Variants in GRIA1 observed in about 807,000 individuals in gnomAD.
GRIA1 encodes the protein glutamate ionotropic receptor AMPA type subunit 1, also known as glutamate receptor 1.
Under a neutral mutation model 99.2 loss-of-function variants are expected in GRIA1, and 31 were observed. The observed-to-expected ratio is 0.31, with a 90% CI of 0.23 to 0.42. The LOEUF (loss-of-function observed/expected upper bound fraction) is 0.42, where lower values mean the gene tolerates loss of function less well. GRIA1 is among the 10% of genes least tolerant of loss of function. The pLI, the probability that GRIA1 is intolerant of heterozygous loss-of-function variation, is 1.00. For synonymous variants in GRIA1, 438 were observed against 432.4 expected (o/e 1.01, Z -0.16); for missense variants, 782 against 1,157.5 (o/e 0.68, Z 4.71).
intron 2 of GRIA1, among the ~76,000 whole-genome samples, chr5:153,578,178 GAAAGAAGA>G (rs1762740578): frequency 1.6e-5 from 2 of 125,524 alleles, no homozygotes; most frequent in Non-Finnish European, 3.4e-5. Flanking sequence ...AAAAAAGAAA[GAAAGAAGA>G]AAGAAAGAAA....
At chr5:153,748,648 C>T (rs1302931546) in intron 11 of GRIA1, among the ~76,000 whole-genome samples, 3 of 152,180 alleles carry the variant, frequency 2.0e-5, no homozygotes, top group East Asian at 1.9e-4. Context: ...ATCTGGAATG[C>T]TGCCTATGAA....
intron 2 of GRIA1, among the ~76,000 whole-genome samples, chr5:153,600,011 A>G (rs1047877789): frequency 5.9e-5 from 9 of 152,126 alleles, no homozygotes; most frequent in South Asian, 2.1e-4. Context: ...TAAGGTGGAC[A>G]CGGAGGCACT....
At chr5:153,700,974 G>GC (rs938562799) in intron 10 of GRIA1, among the ~76,000 whole-genome samples, 1 of 152,140 alleles carries the variant, frequency 6.6e-6, no homozygotes, top group African/African-American at 2.4e-5. Flanking sequence ...ACTTTGGGAA[G>GC]CTCCATGGAC....
Position 153,705,958 on chromosome 5 carries a change from G to A in GRIA1, c.1714G>A (p.Glu572Lys), listed in dbSNP as rs773836254. 1 of 1,613,992 alleles carries A rather than the reference G, an allele frequency of 6.2e-7. No homozygotes were observed. Among genetic ancestry groups the A allele is most frequent in the Non-Finnish European group, 8.5e-7 (1 of 1,179,982 alleles). Residue 572 changes from glutamate (E) to lysine (K), a missense_variant, in exon 11 of 16, where the codon GAA becomes AAA. Physicochemically the swap from Glu to Lys is moderately conservative, Grantham distance 56 (BLOSUM62 1). Around this residue, in one of 5 missense-constraint regions of GRIA1, gnomAD observed 39 missense variants for 43.5 expected, o/e 0.90. Transcript: ENST00000285900. ...TGAATGGCACAGTGAAGAGTTTGAG[G>A]AAGGACGGGACCAGACAACCAGTGA... ...PYEWHSEEFE[E>K]GRDQTTSDQS...
intron 5 of GRIA1, among the ~76,000 whole-genome samples, chr5:153,674,167 C>T (rs1418460322): frequency 6.6e-6 from 1 of 152,234 alleles, no homozygotes; most frequent in Admixed American, 6.5e-5. Flanking sequence ...ATGCACTTGA[C>T]ATGTGTCGTT....
chr5:153,622,297 A>C (rs1373696290), intron 2 of GRIA1, among the ~76,000 whole-genome samples: 1 of 152,184 alleles, frequency 6.6e-6, no homozygotes, highest in Non-Finnish European at 1.5e-5. Context: ...GGGTACTTTA[A>C]GGAAAATCGT....
chr5:153,804,753 A>C (rs1581686596), intron 15 of GRIA1, among the ~76,000 whole-genome samples: 1 of 78,606 alleles, frequency 1.3e-5, no homozygotes, highest in African/African-American at 5.8e-5. Flanking sequence ...TTATTTATTT[A>C]TTTATTTATT....
intron 10 of GRIA1, 98 bp from the exon 11 acceptor site, chr5:153,705,599 C>T: frequency 1.4e-6 from 2 of 1,382,922 alleles, no homozygotes; most frequent in Non-Finnish European, 1.9e-6. Context: ...CTTTAAGACA[C>T]AAAAGAATAG....
intron 11 of GRIA1, among the ~76,000 whole-genome samples, chr5:153,714,107 A>T (rs1021773066): frequency 1.3e-5 from 2 of 152,234 alleles, no homozygotes; most frequent in Non-Finnish European, 2.9e-5. Flanking sequence ...TCAATAGCAT[A>T]GGAGTGGAAG....
intron 2 of GRIA1, among the ~76,000 whole-genome samples, chr5:153,516,990 T>A (rs1389924175): frequency 6.6e-6 from 1 of 152,122 alleles, no homozygotes; most frequent in Admixed American, 6.5e-5. Context: ...GATCTTAAGA[T>A]GAGTGACAAA....
At chr5:153,687,963 T>C (rs73802720) in intron 8 of GRIA1, among the ~76,000 whole-genome samples, 25,812 of 152,188 alleles carry the variant, frequency 0.17, 2,475 homozygotes, top group African/African-American at 0.25. Flanking sequence ...GTTGGCAAGG[T>C]CATGTTTCTT....
intron 13 of GRIA1, among the ~76,000 whole-genome samples, chr5:153,778,760 A>G (rs561399060): frequency 1.3e-3 from 201 of 152,242 alleles, no homozygotes; most frequent in Non-Finnish European, 2.4e-3. Context: ...TATACAATAT[A>G]CAAATAAGAA....
intron 2 of GRIA1, among the ~76,000 whole-genome samples, chr5:153,618,435 C>T (rs1308496053): frequency 6.6e-6 from 1 of 152,130 alleles, no homozygotes; most frequent in Non-Finnish European, 1.5e-5. Flanking sequence ...AGTGATTTAA[C>T]AGGTCTGGCT....
chr5:153,519,358 A>C (rs1414554466), intron 2 of GRIA1, among the ~76,000 whole-genome samples: 1 of 151,540 alleles, frequency 6.6e-6, no homozygotes, highest in East Asian at 1.9e-4. Context: ...CTCTGTTTTA[A>C]CAGGCCCCGC....
chr5:153,766,717 G>A (rs554358502), intron 12 of GRIA1, among the ~76,000 whole-genome samples: 1 of 152,166 alleles, frequency 6.6e-6, no homozygotes, highest in Non-Finnish European at 1.5e-5. Flanking sequence ...TGACAGCTGG[G>A]CTTGTGGACA....
chr5:153,650,277 T>G (rs1581401889), intron 3 of GRIA1, 53 bp from the exon 4 acceptor site: 1 of 1,513,126 alleles, frequency 6.6e-7, no homozygotes, highest in Non-Finnish European at 9.0e-7. Context: ...GAGTGGGTGG[T>G]GCCCACAAAT....
At chr5:153,671,897 A>G (rs1169103010) in intron 5 of GRIA1, among the ~76,000 whole-genome samples, 1 of 152,174 alleles carries the variant, frequency 6.6e-6, no homozygotes, top group African/African-American at 2.4e-5. Flanking sequence ...GATAATCTCA[A>G]ATGGTGATAA....
At chr5:153,702,453 T>A (rs114371868) in intron 10 of GRIA1, among the ~76,000 whole-genome samples, 6,743 of 152,338 alleles carry the variant, frequency 0.044, 204 homozygotes, top group Middle Eastern at 0.12. Flanking sequence ...ATGGGGAATA[T>A]TCATTTATGC....
At chr5:153,722,004 T>C (rs754278948) in intron 11 of GRIA1, among the ~76,000 whole-genome samples, 8 of 152,206 alleles carry the variant, frequency 5.3e-5, no homozygotes, top group African/African-American at 9.6e-5. Context: ...ACATTTGCCC[T>C]TTTCCTTTTA....
Sources: gnomAD v4.1 joint callset for allele counts (sites outside exome capture counted in the v4.1 genomes callset) on GRCh38, gnomAD v4.1.1 for gene constraint, gnomAD v4.1.1 regional missense constraint, MANE v1.5 for transcripts, NCBI Gene and HGNC (gene_info 2026-07-23, HGNC 2026-07-21) for gene names.